The following UBE3B variants were observed in gnomAD, a reference collection of about 807,000 sequenced individuals.
The protein encoded by UBE3B is ubiquitin-protein ligase E3B.
A neutral mutation model predicts 132.3 loss-of-function variants in UBE3B; 80 were observed. The observed-to-expected ratio is 0.60, with a 90% CI of 0.50 to 0.73. The LOEUF (loss-of-function observed/expected upper bound fraction) is 0.73. Ranked by LOEUF, UBE3B falls within the 30% of genes least tolerant of loss-of-function variation. The probability of loss-of-function intolerance (pLI) is 0.00; values close to 1 mark genes in which losing one functional copy is unlikely to be tolerated. For missense variants in UBE3B, 1,196 were observed against 1,362.5 expected, an observed-to-expected ratio of 0.88 and a Z score of 1.92; for synonymous variants, 487 against 520.4, an observed-to-expected ratio of 0.94 and a Z score of 0.87.
At chr12:109,524,558 A>C (rs1592961407) in intron 23 of UBE3B, 55 bp downstream of exon 23, 1 of 1,580,904 alleles carries the variant, frequency 6.3e-7, no homozygotes, top group Non-Finnish European at 8.7e-7. Flanking sequence ...GGCTCCTGAG[A>C]CCTGCCGTGT....
chr12:109,507,951 T>C (rs1273760864), intron 15 of UBE3B, among the ~76,000 whole-genome samples: 1 of 152,226 alleles, frequency 6.6e-6, no homozygotes, highest in Non-Finnish European at 1.5e-5. Flanking sequence ...TTCCCATCCT[T>C]TCAAGGAAGC....
chr12:109,494,888 T>C (rs1040113539), intron 9 of UBE3B, among the ~76,000 whole-genome samples: 3 of 152,220 alleles, frequency 2.0e-5, no homozygotes, highest in African/African-American at 7.2e-5. Flanking sequence ...ATGGAATCCA[T>C]AGGTTTCTGT....
chr12:109,497,357 T>A (rs1415834387), intron 9 of UBE3B, among the ~76,000 whole-genome samples: 2 of 151,972 alleles, frequency 1.3e-5, no homozygotes, highest in African/African-American at 2.4e-5. Context: ...GTATCTATAG[T>A]GTATATATAG....
rs1592983049 is a variant in UBE3B at position 109,535,514 on chromosome 12, G to A, written c.*732G>A. 3 of 152,406 alleles carry A rather than the reference G, an allele frequency of 2.0e-5. No individual in the cohort carries two copies. The highest frequency in any genetic ancestry group is 4.1e-4 in the South Asian group (2 of 4,830). 9.4% of individuals were successfully genotyped at this position (152,406 alleles called of 1,614,324 possible). On this transcript the variant is annotated 3_prime_UTR_variant, in exon 28 of 28. Transcript: ENST00000342494. ...CCTATGCATTCACATTGGCATCCTGGTTTGGGGGAAGAAAAACAACGGCCC... is the reference window on the plus strand; with the variant it reads ...CCTATGCATTCACATTGGCATCCTGATTTGGGGGAAGAAAAACAACGGCCC...
chr12:109,523,027 T>TCG (rs1881890888), intron 21 of UBE3B, among the ~76,000 whole-genome samples: 1 of 152,218 alleles, frequency 6.6e-6, no homozygotes, highest in South Asian at 2.1e-4. Flanking sequence ...TTCCCAGGCC[T>TCG]CGCCTCTGTG....
In UBE3B at chr12:109,502,917, G is replaced by T. The variant is rs368948769; in HGVS notation, c.1283-106G>T. 228 of 1,399,142 alleles carry T rather than the reference G, an allele frequency of 1.6e-4. 5 individuals carry two copies. In the South Asian group the frequency reaches 2.6e-3, roughly 16 times the overall value. 86.7% of individuals were successfully genotyped at this position (1,399,142 alleles called of 1,614,324 possible). ...ATTGAGTGAGTTGCCCCACTGTCTGGCCTGGCTGTGCATTTAGAGCTTTAC... is the reference window on the plus strand; with the variant it reads ...ATTGAGTGAGTTGCCCCACTGTCTGTCCTGGCTGTGCATTTAGAGCTTTAC... On this transcript the variant is annotated intron_variant, in intron 13 of 27. Coordinates refer to ENST00000342494, the MANE Select transcript of UBE3B (RefSeq NM_130466.4).
chr12:109,528,578 G>A, intron 24 of UBE3B: 4 of 864,014 alleles, frequency 4.6e-6, no homozygotes, highest in Non-Finnish European at 5.6e-6. Flanking sequence ...GCAAGGCTGG[G>A]TGCGTTGGCT....
intron 11 of UBE3B, among the ~76,000 whole-genome samples, chr12:109,499,297 A>G (rs1566086725): frequency 6.6e-6 from 1 of 152,198 alleles, no homozygotes; most frequent in Non-Finnish European, 1.5e-5. Flanking sequence ...ACTAAATATC[A>G]CCTACCTCTG....
chr12:109,507,309 A>C (rs536685587), intron 14 of UBE3B, among the ~76,000 whole-genome samples: 11 of 152,380 alleles, frequency 7.2e-5, no homozygotes, highest in African/African-American at 2.6e-4. Flanking sequence ...ACTGGGCTTC[A>C]GAAAATGGAA....
chr12:109,499,942 A>T (rs965586583), intron 12 of UBE3B, 132 bp downstream of exon 12: 1 of 774,594 alleles, frequency 1.3e-6, no homozygotes, highest in African/African-American at 1.8e-5. Flanking sequence ...ATATATTAAT[A>T]AATTGTGAGT....
intron 26 of UBE3B, among the ~76,000 whole-genome samples, chr12:109,531,178 C>A (rs189150347): frequency 1.6e-3 from 240 of 152,282 alleles, no homozygotes; most frequent in Non-Finnish European, 2.6e-3. Context: ...ATAAAACACA[C>A]ACAATTGCTT....
At chr12:109,540,808 ATTGTAGCCAGAACTTGTGTG>A (rs1383749855), downstream of UBE3B, among the ~76,000 whole-genome samples, 60 of 152,350 alleles carry the variant, frequency 3.9e-4, no homozygotes, top group African/African-American at 1.3e-3. Context: ...CAACAAGAAC[ATTGTAGCCAGAACTTGTGTG>A]TTGTAGCCAG....
In UBE3B at chr12:109,482,124, G is replaced by A. The variant is rs557037673; in HGVS notation, c.-22+382G>A. 5.3e-5 allele frequency among the ~76,000 whole-genome samples: 8 copies of A among 152,176 alleles called. No individual in the cohort carries two copies. In the East Asian group the frequency reaches 5.8e-4, roughly 11 times the overall value. ...CTTATTAAATGCCTTTCAATAACAC[G>A]TAATTAATTTAATACCTCTAGGAGA... On this transcript the variant is annotated intron_variant, in intron 2 of 27. Coordinates refer to ENST00000342494, the MANE Select transcript of UBE3B (RefSeq NM_130466.4).
chr12:109,498,107 A>G (rs1292099249), intron 10 of UBE3B, 126 bp from the exon 11 acceptor site: 4 of 1,446,416 alleles, frequency 2.8e-6, no homozygotes, highest in Non-Finnish European at 3.8e-6. Context: ...TTGTCTGTCC[A>G]TTTTCTTCTT....
intron 24 of UBE3B, among the ~76,000 whole-genome samples, chr12:109,529,629 G>A (rs1030267185): frequency 3.3e-5 from 5 of 152,186 alleles, no homozygotes; most frequent in Admixed American, 6.5e-5. Context: ...GGCTTACCCC[G>A]AGGTGTGACC....
At chr12:109,499,077 C>G (rs776253847) in intron 11 of UBE3B, among the ~76,000 whole-genome samples, 1 of 152,066 alleles carries the variant, frequency 6.6e-6, no homozygotes, top group Non-Finnish European at 1.5e-5. Flanking sequence ...CACGCCTCAG[C>G]CTGCGAGATT....
At chr12:109,539,344 G>A (rs936253060), downstream of UBE3B, among the ~76,000 whole-genome samples, 12 of 152,228 alleles carry the variant, frequency 7.9e-5, no homozygotes, top group Admixed American at 3.3e-4. Context: ...TTTGCTTCAC[G>A]GCAGTCATCC....
intron 9 of UBE3B, among the ~76,000 whole-genome samples, chr12:109,493,692 A>G (rs1298091512): frequency 6.6e-6 from 1 of 152,256 alleles, no homozygotes; most frequent in Non-Finnish European, 1.5e-5. Context: ...GTGAAAGTCT[A>G]TAAAATCGTC....
At chr12:109,540,583 A>G (rs891199927), downstream of UBE3B, among the ~76,000 whole-genome samples, 2 of 152,324 alleles carry the variant, frequency 1.3e-5, no homozygotes, top group African/African-American at 2.4e-5. Flanking sequence ...TTATGGGGCC[A>G]TGGCAGTGGC....
Sources: gnomAD v4.1 joint callset for allele counts (sites outside exome capture counted in the v4.1 genomes callset) on GRCh38, gnomAD v4.1.1 for gene constraint, MANE v1.5 for transcripts, NCBI Gene and HGNC (gene_info 2026-07-23, HGNC 2026-07-21) for gene names.